Variants in CUL2 observed in about 807,000 individuals in gnomAD.
CUL2 encodes the protein cullin 2, also known as cullin-2.
CUL2 carries 22 observed loss-of-function variants against 110.2 expected under a neutral mutation model. The ratio of observed to expected loss-of-function variants is 0.20; its 90% CI spans 0.14 to 0.28. The LOEUF is 0.28. Among genes scored for constraint, CUL2 ranks in the 10% least tolerant of loss-of-function variants. The probability of loss-of-function intolerance (pLI) is 1.00; values close to 1 mark genes in which losing one functional copy is unlikely to be tolerated. For synonymous variants in CUL2, 279 were observed against 293.2 expected (o/e 0.95, Z 0.49); for missense variants, 631 against 905.5 (o/e 0.70, Z 3.89).
chr10:35,065,311 C>T (rs1325023977), intron 2 of CUL2, among the ~76,000 whole-genome samples: 3 of 152,060 alleles, frequency 2.0e-5, no homozygotes, highest in South Asian at 2.1e-4. Flanking sequence ...GAAGCCAAGG[C>T]GGGCAGATCA....
intron 9 of CUL2, among the ~76,000 whole-genome samples, chr10:35,037,005 T>A (rs776999749): frequency 4.6e-5 from 7 of 152,194 alleles, no homozygotes; most frequent in African/African-American, 1.4e-4. Flanking sequence ...CTTTTAATAA[T>A]CCAAAGTTTT....
At chr10:35,024,952 A>C (rs2085298484) in intron 17 of CUL2, among the ~76,000 whole-genome samples, 180 bp downstream of exon 17, 1 of 152,226 alleles carries the variant, frequency 6.6e-6, no homozygotes, top group Non-Finnish European at 1.5e-5. Context: ...AAACAGTGTA[A>C]TTATAAAATA....
intron 2 of CUL2, among the ~76,000 whole-genome samples, chr10:35,067,652 G>A (rs1391228966): frequency 2.0e-5 from 3 of 151,476 alleles, no homozygotes; most frequent in Non-Finnish European, 4.4e-5. Flanking sequence ...GATGAGGCAT[G>A]AGAATCACTT....
intron 18 of CUL2, among the ~76,000 whole-genome samples, chr10:35,015,503 AAAAAC>A (rs1413253383): frequency 1.3e-5 from 2 of 152,220 alleles, no homozygotes; most frequent in Non-Finnish European, 2.9e-5. Context: ...TTACAAAAAT[AAAAAC>A]AAAACATTAT....
intron 2 of CUL2, among the ~76,000 whole-genome samples, chr10:35,067,551 G>A (rs1455225961): frequency 6.6e-6 from 1 of 152,102 alleles, no homozygotes; most frequent in East Asian, 1.9e-4. Flanking sequence ...AGAAGTTCAA[G>A]ACTAGCCTGG....
chr10:35,019,314 C>T (rs1193953019), intron 17 of CUL2, among the ~76,000 whole-genome samples: 4 of 151,998 alleles, frequency 2.6e-5, no homozygotes, highest in Non-Finnish European at 5.9e-5. Flanking sequence ...GGAGATCATG[C>T]GAGGGGCCAA....
intron 1 of CUL2, chr10:35,074,004 C>T (rs1022907645): frequency 1.4e-6 from 1 of 705,888 alleles, no homozygotes; most frequent in African/African-American, 1.7e-5. Flanking sequence ...AGGATTCAGA[C>T]CCGTGCTGCG....
intron 1 of CUL2, among the ~76,000 whole-genome samples, chr10:35,085,528 A>G (rs1177948290): frequency 1.3e-5 from 2 of 151,922 alleles, no homozygotes; most frequent in Non-Finnish European, 2.9e-5. Context: ...GCGGACCACA[A>G]GGTCAGGAGA....
intron 1 of CUL2, among the ~76,000 whole-genome samples, chr10:35,075,400 A>C (rs181079158): frequency 3.0e-4 from 45 of 152,266 alleles, no homozygotes; most frequent in African/African-American, 1.1e-3. Context: ...CAGTCACACT[A>C]TTTCTACCCC....
intron 4 of CUL2, among the ~76,000 whole-genome samples, chr10:35,058,364 C>T (rs756542165): frequency 1.2e-4 from 19 of 152,238 alleles, no homozygotes; most frequent in Admixed American, 3.9e-4. Context: ...GGCAAAAAGC[C>T]TCAGCCATTT....
chr10:35,113,717 AT>A (rs1479226485), intron 1 of CUL2, among the ~76,000 whole-genome samples: 1 of 150,718 alleles, frequency 6.6e-6, no homozygotes, highest in African/African-American at 2.4e-5. Context: ...TTTCTTTTTT[AT>A]TTTTTTGAGA....
chr10:35,036,102 T>C (rs1020507666), intron 9 of CUL2, among the ~76,000 whole-genome samples: 1 of 152,226 alleles, frequency 6.6e-6, no homozygotes, highest in South Asian at 2.1e-4. Context: ...GTCCCCTTCA[T>C]GCCTCCTTCC....
At chr10:35,046,324 G>A (rs2085939252) in intron 6 of CUL2, among the ~76,000 whole-genome samples, 1 of 152,142 alleles carries the variant, frequency 6.6e-6, no homozygotes. Context: ...CTCATGTTCT[G>A]CTTATGGTGG....
chr10:35,072,305 T>C (rs1037262999), intron 1 of CUL2, among the ~76,000 whole-genome samples: 22 of 151,684 alleles, frequency 1.5e-4, no homozygotes, highest in African/African-American at 5.3e-4. Context: ...TTGGGGTATC[T>C]ACCTCCCAGT....
At chr10:35,013,976 GA>G (rs1192776025) in intron 18 of CUL2, among the ~76,000 whole-genome samples, 176 bp from the exon 19 acceptor site, 3 of 152,044 alleles carry the variant, frequency 2.0e-5, no homozygotes, top group African/African-American at 7.2e-5. Flanking sequence ...AAACAAACAG[GA>G]AAAAACCCAA....
At chr10:35,021,863 G>GGGTGA (rs1554853889) in intron 17 of CUL2, among the ~76,000 whole-genome samples, 7 of 61,276 alleles carry the variant, frequency 1.1e-4, no homozygotes, top group African/African-American at 2.0e-4. Context: ...AGGTGAGGTG[G>GGGTGA]GGTGGGGTGA....
At chr10:35,070,980 T>C (rs2086662095) in intron 2 of CUL2, among the ~76,000 whole-genome samples, 1 of 152,196 alleles carries the variant, frequency 6.6e-6, no homozygotes, top group Admixed American at 6.5e-5. Context: ...AAGCCTAAAG[T>C]AGTCCTTGAC....
At chr10:35,051,483 G>A (rs1028202158) in intron 5 of CUL2, among the ~76,000 whole-genome samples, 33 of 151,918 alleles carry the variant, frequency 2.2e-4, no homozygotes, top group African/African-American at 8.0e-4. Flanking sequence ...CGAGGTGGCG[G>A]GCGCCTGTAG....
intron 18 of CUL2, among the ~76,000 whole-genome samples, chr10:35,015,208 A>C (rs1300352925): frequency 6.6e-6 from 1 of 151,232 alleles, no homozygotes; most frequent in African/African-American, 2.4e-5. Context: ...CAGGAGAATC[A>C]TTTGAACCCA....
Sources: allele counts gnomAD v4.1 joint callset (sites outside exome capture counted in the v4.1 genomes callset), GRCh38; gene constraint gnomAD v4.1.1; transcripts MANE v1.5; gene names NCBI Gene and HGNC (gene_info 2026-07-23, HGNC 2026-07-21).